Variants in JAK2 observed in about 807,000 individuals in gnomAD.
JAK2 encodes the protein tyrosine-protein kinase JAK2.
JAK2 carries 86 observed loss-of-function variants against 139.3 expected under a neutral mutation model. That is an observed-to-expected ratio of 0.62 (90% CI 0.52 to 0.74). The LOEUF (loss-of-function observed/expected upper bound fraction) is 0.74. Ranked by LOEUF, JAK2 falls within the 30% of genes least tolerant of loss-of-function variation. JAK2 has a pLI of 0.00. For missense variants in JAK2, 1,421 were observed against 1,360.3 expected (o/e 1.04, Z -0.70); for synonymous variants, 490 against 437.7 (o/e 1.12, Z -1.49).
At position 5,085,386 on chromosome 9, in the gene JAK2, G is replaced by A. The variant is rs1487996998; in HGVS notation, c.2571+3525G>A. 5.6e-6 allele frequency: 5 copies of A among 894,780 alleles called. No individual in the cohort carries two copies. The East Asian group carries it at 1.3e-4, about 23-fold the overall frequency. The allele number at this position is 894,780 out of a possible 1,614,324, so 55.4% of individuals were successfully genotyped here. On this transcript the variant is annotated intron_variant, in intron 19 of 24. Transcript: ENST00000381652. ...AGGTGATCTCATGCACCACTGGGTC[G>A]GGGCATCCTAGAACAGAGACTGCTT...
intron 19 of JAK2, chr9:5,086,080 C>T (rs1319847851): frequency 1.5e-6 from 1 of 654,398 alleles, no homozygotes; most frequent in Non-Finnish European, 2.9e-6. Context: ...TGAGACAAGT[C>T]AAGTCCCTTC....
rs181389144 is a variant in JAK2 at position 5,107,349 on chromosome 9, C to T, written c.3060-15655C>T. ...CCAGCCCCTATGAAGGCAGATTTGACCCAATAACCTCCAACTGCCTCCCCT... is the reference window on the plus strand; with the variant it reads ...CCAGCCCCTATGAAGGCAGATTTGATCCAATAACCTCCAACTGCCTCCCCT... On this transcript the variant is annotated intron_variant, in intron 22 of 24. Transcript: ENST00000381652. 1.7e-3 allele frequency among the ~76,000 whole-genome samples: 254 copies of T among 152,176 alleles called. 1 individual carries two copies. The highest frequency in any genetic ancestry group is 2.6e-3 in the Non-Finnish European group (179 of 68,010).
chr9:5,035,511 A>G (rs1202389321), intron 4 of JAK2, among the ~76,000 whole-genome samples: 1 of 152,250 alleles, frequency 6.6e-6, no homozygotes, highest in African/African-American at 2.4e-5. Context: ...CGAATCCAGC[A>G]GCACATCAAA....
At chr9:5,106,541 C>T (rs1217710170) in intron 22 of JAK2, among the ~76,000 whole-genome samples, 1 of 152,062 alleles carries the variant, frequency 6.6e-6, no homozygotes, top group Admixed American at 6.5e-5. Context: ...CCAGCCATCC[C>T]ATTACTGGGT....
intron 3 of JAK2, among the ~76,000 whole-genome samples, chr9:5,023,820 G>T (rs1301680445): frequency 6.6e-6 from 1 of 152,140 alleles, no homozygotes; most frequent in Non-Finnish European, 1.5e-5. Flanking sequence ...ATATTGTAAA[G>T]TCTGTATTTT....
intron 8 of JAK2, among the ~76,000 whole-genome samples, chr9:5,063,165 G>C (rs1288554058): frequency 6.6e-6 from 1 of 152,030 alleles, no homozygotes; most frequent in Non-Finnish European, 1.5e-5. Context: ...ATTGTTCATT[G>C]CTGGGCCAAG....
chr9:5,079,091 G>A (rs1464112822), intron 16 of JAK2, among the ~76,000 whole-genome samples: 1 of 152,116 alleles, frequency 6.6e-6, no homozygotes, highest in Non-Finnish European at 1.5e-5. Context: ...TAAGCTAATA[G>A]TACTTAAACT....
In JAK2 at chr9:5,047,375, A is replaced by C. The variant is rs148675700; in HGVS notation, c.468+2855A>C. Among the ~76,000 whole-genome samples the C allele has an allele frequency of 5.5e-3, 843 of 152,364 alleles. 9 individuals carry two copies. The highest frequency in any genetic ancestry group is 0.019 in the African/African-American group (805 of 41,588). ...ATTTGGAAAAGGTAAGCAAATAAAA[A>C]TCAAAAGTAAGATGGCCCTTTTAAA... is the stretch of plus-strand genomic sequence containing the variant. On this transcript the variant is annotated intron_variant, in intron 5 of 24. Transcript: ENST00000381652.
intron 8 of JAK2, among the ~76,000 whole-genome samples, chr9:5,063,592 C>G (rs1818339438): frequency 6.6e-6 from 1 of 152,076 alleles, no homozygotes; most frequent in South Asian, 2.1e-4. Context: ...GTGATTGAGA[C>G]AAATTAGAAA....
chr9:5,033,600 A>G (rs900037167), intron 4 of JAK2, among the ~76,000 whole-genome samples: 10 of 152,220 alleles, frequency 6.6e-5, no homozygotes, highest in South Asian at 2.1e-4. Context: ...ATTCTTAAAG[A>G]AAAGAATTTT....
chr9:5,113,437 A>T (rs547339376), intron 22 of JAK2: 4 of 149,198 alleles, frequency 2.7e-5, no homozygotes, highest in South Asian at 2.1e-4. Flanking sequence ...AAAAAAAAAA[A>T]AAAAAAAAAA....
At chr9:4,986,832 G>T (rs1269740025) in intron 2 of JAK2, among the ~76,000 whole-genome samples, 1 of 152,142 alleles carries the variant, frequency 6.6e-6, no homozygotes, top group African/African-American at 2.4e-5. Flanking sequence ...TAATACGTCT[G>T]TGCATGAAAC....
At chr9:5,043,042 G>T (rs1271495242) in intron 4 of JAK2, among the ~76,000 whole-genome samples, 1 of 152,324 alleles carries the variant, frequency 6.6e-6, no homozygotes, top group South Asian at 2.1e-4. Context: ...CTGTGTGGAG[G>T]CGCGCGGGCT....
intron 8 of JAK2, among the ~76,000 whole-genome samples, chr9:5,059,127 A>G (rs1024196276): frequency 2.9e-4 from 44 of 152,310 alleles, no homozygotes; most frequent in African/African-American, 9.9e-4. Flanking sequence ...GTATAGCTCA[A>G]TGAATTTTTA....
chr9:5,010,829 T>C lies in JAK2; in HGVS notation c.-25-11134T>C, dbSNP rs371654062. On this transcript the variant is annotated intron_variant, in intron 2 of 24. Coordinates refer to ENST00000381652, the MANE Select transcript of JAK2 (RefSeq NM_004972.4). The stretch of plus-strand genomic sequence containing the variant: ...CAGCATCCATTTATCTGAAAACATA[T>C]TTGTTTTGCCTTGAATTTTGAAAAT... Among the ~76,000 whole-genome samples the C allele has an allele frequency of 1.3e-3, 199 of 152,296 alleles. 6 individuals are homozygous for C. In the South Asian group the frequency reaches 0.04, roughly 31 times the overall value.
chr9:5,109,313 A>C (rs904728613), intron 22 of JAK2: 1 of 152,186 alleles, frequency 6.6e-6, no homozygotes. Context: ...GTTTAACCAA[A>C]ACATTAAATT....
chr9:5,023,604 A>C (rs7043489), intron 3 of JAK2, among the ~76,000 whole-genome samples: 53,808 of 152,032 alleles, frequency 0.35, 10,381 homozygotes, highest in African/African-American at 0.52. Flanking sequence ...GGGCATCTCT[A>C]ACTTAACCTT....
chr9:5,111,374 C>T, intron 22 of JAK2: 1 of 402,802 alleles, frequency 2.5e-6, no homozygotes, highest in Non-Finnish European at 4.8e-6. Flanking sequence ...CCTACGCCAG[C>T]AGCTCTGGCG....
chr9:5,032,654 A>G (rs1303896853), intron 4 of JAK2, among the ~76,000 whole-genome samples: 1 of 152,238 alleles, frequency 6.6e-6, no homozygotes, highest in Non-Finnish European at 1.5e-5. Flanking sequence ...GTGGACCTCC[A>G]GCAAACTCCA....
Sources: gnomAD v4.1 joint callset for allele counts (sites outside exome capture counted in the v4.1 genomes callset) on GRCh38, gnomAD v4.1.1 for gene constraint, MANE v1.5 for transcripts, NCBI Gene and HGNC (gene_info 2026-07-23, HGNC 2026-07-21) for gene names.